IFIT3: variants seen among roughly 807,000 people sequenced by gnomAD.
IFIT3 encodes the protein interferon-induced protein with tetratricopeptide repeats 3.
Under a neutral mutation model 2.4 loss-of-function variants are expected in IFIT3, and 2 were observed. That is an observed-to-expected ratio of 0.82 (90% CI 0.34 to 2.60). IFIT3 has a LOEUF of 2.60. Among genes scored for constraint, IFIT3 ranks in the 30% most tolerant of loss-of-function variants. IFIT3 has a pLI of 0.11. For missense variants in IFIT3, 481 were observed against 562.4 expected (o/e 0.86, Z 1.46); for synonymous variants, 203 against 212.1 (o/e 0.96, Z 0.37).
chr10:89,340,227 G>A lies in IFIT3; in HGVS notation c.*99G>A, dbSNP rs548856750. 4.9e-5 allele frequency: 63 copies of A among 1,274,212 alleles called. No individual in the cohort carries two copies. In the African/African-American group the frequency reaches 9.1e-4, roughly 18 times the overall value. The allele number at this position is 1,274,212 out of a possible 1,614,324, so 78.9% of individuals were successfully genotyped here. On this transcript the variant is annotated 3_prime_UTR_variant, in exon 2 of 2. Coordinates refer to ENST00000371818, the MANE Select transcript of IFIT3 (RefSeq NM_001549.6). ...GGCCCCAACCTGGGATTGCTGAGCA[G>A]GGAAGCTTTGCATGTTGCTCTAAGG...
intron 1 of IFIT3, 142 bp downstream of exon 1, chr10:89,328,220 T>C: frequency 1.1e-6 from 1 of 897,496 alleles, no homozygotes. Context: ...ATTTGTAAGA[T>C]GTTTGAGGGG....
intron 1 of IFIT3, among the ~76,000 whole-genome samples, chr10:89,334,942 A>G (rs1309686298): frequency 6.6e-6 from 1 of 152,246 alleles, no homozygotes; most frequent in Non-Finnish European, 1.5e-5. Flanking sequence ...GAGATAAATT[A>G]TTAAGTGAGG....
intron 1 of IFIT3, among the ~76,000 whole-genome samples, chr10:89,328,744 C>T (rs1391132969): frequency 1.3e-5 from 2 of 151,918 alleles, no homozygotes; most frequent in African/African-American, 4.8e-5. Context: ...TGGTCAGCAG[C>T]AAAAAAAGAA....
intron 1 of IFIT3, among the ~76,000 whole-genome samples, chr10:89,337,590 G>C (rs1282799041): frequency 6.6e-6 from 1 of 152,158 alleles, no homozygotes; most frequent in Non-Finnish European, 1.5e-5. Context: ...AGTAGAGGCA[G>C]GCTTTCGCCA....
rs1012702621 is a variant in IFIT3 at position 89,339,376 on chromosome 10, A to G, written c.721A>G (p.Thr241Ala). The change falls in exon 2 of 2, where the codon ACA becomes GCA. Residue 241 changes from threonine (T) to alanine (A), a missense_variant. Transcript: ENST00000371818. ...EEALEKSPCQ[T>A]DVLRSAAKFY... is the part of the protein sequence containing the mutation. ...AGCCTTGGAAAAGTCTCCTTGCCAA[A>G]CAGATGTCCTCCGCAGTGCAGCCAA... The G allele has an allele frequency of 1.2e-6, 2 of 1,614,036 alleles. No homozygotes were observed. The highest frequency in any genetic ancestry group is 1.7e-6 in the Non-Finnish European group (2 of 1,179,976).
chr10:89,330,595 A>C (rs773951038), intron 1 of IFIT3, among the ~76,000 whole-genome samples: 1 of 152,234 alleles, frequency 6.6e-6, no homozygotes, highest in Non-Finnish European at 1.5e-5. Context: ...CCCAGGGCAT[A>C]ATTTTCTATC....
intron 1 of IFIT3, among the ~76,000 whole-genome samples, chr10:89,334,131 A>C (rs900174235): frequency 1.3e-5 from 2 of 152,224 alleles, no homozygotes; most frequent in Non-Finnish European, 2.9e-5. Context: ...CCACTTTCTG[A>C]AAATTTCAAG....
Position 89,328,032 on chromosome 10 carries a change from G to A in IFIT3, c.-42G>A, listed in dbSNP as rs1283460933. On this transcript the variant is annotated 5_prime_UTR_variant, in exon 1 of 2. Transcript: ENST00000371818. ...AGACTTCTGAAGAACAAATCAGCCT[G>A]GTCACCAGCTTTTCGGAACAGCAGA... 8 of 1,612,744 alleles carry A rather than the reference G, an allele frequency of 5.0e-6. 1 individual carries two copies. The South Asian group carries it at 7.7e-5, about 15-fold the overall frequency.
At chr10:89,334,342 A>C (rs1237683812) in intron 1 of IFIT3, among the ~76,000 whole-genome samples, 1 of 151,636 alleles carries the variant, frequency 6.6e-6, no homozygotes. Context: ...GGTCATGGGA[A>C]ATCTCTTTCT....
chr10:89,332,636 TC>T, intron 1 of IFIT3: 1 of 1,613,698 alleles, frequency 6.2e-7, no homozygotes, highest in African/African-American at 1.3e-5. Flanking sequence ...AGGTAAATAG[TC>T]CCTGCTTCTC....
intron 1 of IFIT3, chr10:89,335,599 C>T (rs7904924): frequency 0.062 from 9,330 of 151,604 alleles, 693 homozygotes; most frequent in African/African-American, 0.18. Context: ...AGGTGGTTTC[C>T]GGTTTCGTTG....
At position 89,338,892 on chromosome 10, in the gene IFIT3, G is replaced by A. The variant is rs1843794440; in HGVS notation, c.237G>A (p.Glu79=). Residue 79 remains glutamate (E), a synonymous_variant, in exon 2 of 2, where the codon GAG becomes GAA. Transcript: ENST00000371818. ...TGGAATGCTTACGGCAAGCTGAAGAGTTAATCCAGCAAGAACATGCTGACC... is the reference window on the plus strand; with the variant it reads ...TGGAATGCTTACGGCAAGCTGAAGAATTAATCCAGCAAGAACATGCTGACC... ...AALECLRQAE[E]LIQQEHADQA... is the part of the protein sequence containing the mutation. 3 of 1,614,212 alleles carry A rather than the reference G, an allele frequency of 1.9e-6. No homozygotes were observed. The highest frequency in any genetic ancestry group is 2.5e-6 in the Non-Finnish European group (3 of 1,180,034).
chr10:89,336,682 A>G (rs1275003764), intron 1 of IFIT3, among the ~76,000 whole-genome samples: 2 of 152,240 alleles, frequency 1.3e-5, no homozygotes. Flanking sequence ...ATCTTTTAAA[A>G]TAAAATATTG....
chr10:89,331,179 G>C (rs1843646077), intron 1 of IFIT3, among the ~76,000 whole-genome samples: 1 of 152,056 alleles, frequency 6.6e-6, no homozygotes, highest in African/African-American at 2.4e-5. Context: ...TGTTGTTGCT[G>C]TTGTTGTTTT....
chr10:89,332,478 T>G, intron 1 of IFIT3: 1 of 1,531,750 alleles, frequency 6.5e-7, no homozygotes. Context: ...GTTCCATCAG[T>G]TTCACTTTCC....
chr10:89,332,722 G>A (rs112666680), intron 1 of IFIT3: 16,392 of 1,227,248 alleles, frequency 0.013, 170 homozygotes, highest in African/African-American at 0.037. Flanking sequence ...GATGAAATAT[G>A]CATTTATCTA....
intron 1 of IFIT3, 144 bp from the exon 2 acceptor site, chr10:89,338,517 A>G: frequency 1.3e-6 from 1 of 743,700 alleles, no homozygotes; most frequent in Non-Finnish European, 2.2e-6. Context: ...TCCAGAAACA[A>G]CCTCACATAC....
intron 1 of IFIT3, chr10:89,335,557 A>G (rs1445987913): frequency 1.3e-5 from 2 of 152,026 alleles, no homozygotes; most frequent in African/African-American, 4.8e-5. Flanking sequence ...AAAAAAAAAA[A>G]AAGAGAGAGA....
chr10:89,329,344 T>C (rs1049384636), intron 1 of IFIT3, among the ~76,000 whole-genome samples: 1 of 152,212 alleles, frequency 6.6e-6, no homozygotes, highest in African/African-American at 2.4e-5. Flanking sequence ...GTGATGTTAA[T>C]TGTGTCTGTG....
Sources: gnomAD v4.1 joint callset for allele counts (sites outside exome capture counted in the v4.1 genomes callset) on GRCh38, gnomAD v4.1.1 for gene constraint, MANE v1.5 for transcripts, NCBI Gene and HGNC (gene_info 2026-07-23, HGNC 2026-07-21) for gene names.